SMAP2: variants seen among roughly 807,000 people sequenced by gnomAD.
The protein encoded by SMAP2 is small ArfGAP2.
SMAP2 carries 25 observed loss-of-function variants against 56.4 expected under a neutral mutation model. The ratio of observed to expected loss-of-function variants is 0.44; its 90% CI spans 0.32 to 0.62. The LOEUF is 0.62. SMAP2 is among the 20% of genes least tolerant of loss of function. The pLI is 0.04. For synonymous variants in SMAP2, 157 were observed against 181.7 expected, an observed-to-expected ratio of 0.86 and a Z score of 1.09; for missense variants, 388 against 545.6, an observed-to-expected ratio of 0.71 and a Z score of 2.88.
At chr1:40,346,430 C>T (rs1167358061) in intron 1 of SMAP2, among the ~76,000 whole-genome samples, 1 of 151,832 alleles carries the variant, frequency 6.6e-6, no homozygotes, top group Non-Finnish European at 1.5e-5. Flanking sequence ...AGTGCAGTGG[C>T]ATGATGACAG....
chr1:40,371,521 G>A (rs1443708756), upstream of SMAP2, among the ~76,000 whole-genome samples: 1 of 152,214 alleles, frequency 6.6e-6, no homozygotes, highest in Non-Finnish European at 1.5e-5. Flanking sequence ...GAGAGCTCTT[G>A]TTTATCAGCT....
chr1:40,353,187 C>T (rs1176377013), intron 1 of SMAP2, among the ~76,000 whole-genome samples: 1 of 152,156 alleles, frequency 6.6e-6, no homozygotes, highest in Non-Finnish European at 1.5e-5. Context: ...GTGAGCTTCT[C>T]GGAAAACTTT....
chr1:40,348,126 A>T (rs1644396794), intron 1 of SMAP2, among the ~76,000 whole-genome samples: 1 of 152,052 alleles, frequency 6.6e-6, no homozygotes, highest in African/African-American at 2.4e-5. Context: ...GCGTGACCTC[A>T]TCTCTACAAA....
rs780365379 is a variant in SMAP2, at chr1:40,417,060, C to A, written c.1128C>A (p.Val376=). ...MAAMPQTVYG[V]QPAQQLQWNL... The stretch of plus-strand genomic sequence containing the variant: ...CTATGCCCCAGACTGTGTATGGGGT[C>A]CAGCCAGCTCAGCAGCTGCAATGGA... The change falls in exon 9 of 10, where the codon GTC becomes GTA. Residue 376 remains valine, a synonymous_variant. Transcript: ENST00000372718. 3.1e-6 allele frequency: 5 copies of A among 1,605,724 alleles called. No individual in the cohort carries two copies. The Admixed American group carries it at 8.4e-5, about 27-fold the overall frequency.
At chr1:40,350,980 C>G (rs1644407078) in intron 1 of SMAP2, among the ~76,000 whole-genome samples, 1 of 152,234 alleles carries the variant, frequency 6.6e-6, no homozygotes, top group Non-Finnish European at 1.5e-5. Flanking sequence ...AGTGGAGACT[C>G]TGAAGACTCA....
upstream of SMAP2, among the ~76,000 whole-genome samples, chr1:40,370,856 TAAA>T (rs57519270): frequency 0.033 from 4,410 of 132,470 alleles, 181 homozygotes; most frequent in East Asian, 0.093. Context: ...TAAAGTATAA[TAAA>T]AAAAAAAAAA....
intron 1 of SMAP2, among the ~76,000 whole-genome samples, chr1:40,347,645 G>A (rs990876919): frequency 6.6e-6 from 1 of 152,180 alleles, no homozygotes; most frequent in African/African-American, 2.4e-5. Context: ...TGGGATTACA[G>A]GCATGAGCCA....
chr1:40,413,001 G>C lies in SMAP2; in HGVS notation c.403-15G>C. The C allele has an allele frequency of 3.1e-6, 5 of 1,594,618 alleles. No homozygotes were observed. Among genetic ancestry groups the C allele is most frequent in the Non-Finnish European group, 4.3e-6 (5 of 1,167,886 alleles). On this transcript the variant is annotated splice_polypyrimidine_tract_variant and intron_variant, in intron 4 of 9. Coordinates refer to ENST00000372718, the MANE Select transcript of SMAP2 (RefSeq NM_022733.3). ...CCTTGGGCCCTGTGTTCTTTGTCTT[G>C]TTAAATCATTATAGAAAGAAAAAGA...
rs1644644358 is a variant in SMAP2 at position 40,385,494 on chromosome 1, A to G, written c.103+11271A>G. ...TGAAACAATGAGAACTGGGTTCCTCAGGCCTCATGTCATTTCCCCTCACCC... is the reference window on the plus strand; with the variant it reads ...TGAAACAATGAGAACTGGGTTCCTCGGGCCTCATGTCATTTCCCCTCACCC... On this transcript the variant is annotated intron_variant, in intron 1 of 9. Transcript: ENST00000372718. This position sits in a 1 kb window ranked among gnomAD's most constrained non-coding sequence, Gnocchi z 4.5. 6.6e-6 allele frequency among the ~76,000 whole-genome samples: 1 copy of G among 152,252 alleles called. No homozygotes were observed. The highest frequency in any genetic ancestry group is 2.4e-5 in the African/African-American group (1 of 41,466).
chr1:40,414,023 T>C (rs1644962826), intron 5 of SMAP2, 136 bp from the exon 6 acceptor site: 1 of 715,554 alleles, frequency 1.4e-6, no homozygotes, highest in Non-Finnish European at 2.3e-6. Context: ...TAATACTTCC[T>C]GAGTTTTGTT....
At chr1:40,373,493 A>G (rs904918021), upstream of SMAP2, among the ~76,000 whole-genome samples, 1 of 152,084 alleles carries the variant, frequency 6.6e-6, no homozygotes, top group African/African-American at 2.4e-5. Context: ...ACTTTCTTCC[A>G]TTCCCTCCAC....
In SMAP2 at chr1:40,374,855, C is replaced by T. The variant is rs927594660; in HGVS notation, c.103+632C>T. The T allele has an allele frequency of 1.1e-5, 17 of 1,530,598 alleles. No individual in the cohort carries two copies. Among genetic ancestry groups the T allele is most frequent in the Admixed American group, 1.0e-4 (5 of 50,080 alleles). 94.8% of individuals were successfully genotyped at this position (1,530,598 alleles called of 1,614,324 possible). The stretch of plus-strand genomic sequence containing the variant: ...TTATGCAGTGACACAGTGCGGATTT[C>T]TAGGCAGTGTAGCCCTGGCTTGTAG... On this transcript the variant is annotated intron_variant, in intron 1 of 9. Transcript: ENST00000372718. This position sits in a 1 kb window ranked among gnomAD's most constrained non-coding sequence, Gnocchi z 5.9.
In SMAP2 at chr1:40,374,687, A is replaced by G. The variant is rs1460052915; in HGVS notation, c.103+464A>G. On this transcript the variant is annotated intron_variant, in intron 1 of 9. Transcript: ENST00000372718. The surrounding 1 kb of genome is among the most constrained non-coding windows in gnomAD (Gnocchi z 5.9). Reference sequence around the variant, plus strand: ...GGGAAGTGAGATGGCGGAAAGGAAAACTGCTTAAATGATTTTTAAAGGTGG... The same window carrying G: ...GGGAAGTGAGATGGCGGAAAGGAAAGCTGCTTAAATGATTTTTAAAGGTGG... 1 of 1,549,858 alleles carries G rather than the reference A, an allele frequency of 6.5e-7. No individual in the cohort carries two copies. Among genetic ancestry groups the G allele is most frequent in the Admixed American group, 2.0e-5 (1 of 50,926 alleles).
chr1:40,357,564 C>T (rs1460270967), intron 1 of SMAP2, among the ~76,000 whole-genome samples: 1 of 151,204 alleles, frequency 6.6e-6, no homozygotes, highest in Non-Finnish European at 1.5e-5. Context: ...AGTTTGAAGT[C>T]TTAGATTTAA....
intron 1 of SMAP2, among the ~76,000 whole-genome samples, chr1:40,378,297 G>A (rs1334487661): frequency 6.6e-6 from 1 of 151,810 alleles, no homozygotes; most frequent in Non-Finnish European, 1.5e-5. Context: ...CCATTTTTTC[G>A]AATATTTTCA....
In SMAP2 at chr1:40,385,496, G is replaced by T. The variant is rs987236984; in HGVS notation, c.103+11273G>T. ...AAACAATGAGAACTGGGTTCCTCAG[G>T]CCTCATGTCATTTCCCCTCACCCAC... On this transcript the variant is annotated intron_variant, in intron 1 of 9. Coordinates refer to ENST00000372718, the MANE Select transcript of SMAP2 (RefSeq NM_022733.3). This position sits in a 1 kb window ranked among gnomAD's most constrained non-coding sequence, Gnocchi z 4.5. 2.0e-5 allele frequency among the ~76,000 whole-genome samples: 3 copies of T among 152,166 alleles called. No homozygotes were observed. The highest frequency in any genetic ancestry group is 7.2e-5 in the African/African-American group (3 of 41,430).
chr1:40,382,711 A>C (rs1295313727), intron 1 of SMAP2, among the ~76,000 whole-genome samples: 1 of 152,182 alleles, frequency 6.6e-6, no homozygotes, highest in Non-Finnish European at 1.5e-5. Context: ...ACAGTCCTAT[A>C]TTGGCTAATT....
intron 1 of SMAP2, among the ~76,000 whole-genome samples, chr1:40,377,780 C>A (rs1256004784): frequency 6.6e-6 from 1 of 152,164 alleles, no homozygotes; most frequent in African/African-American, 2.4e-5. Flanking sequence ...TGCTAAGCCA[C>A]CCCGTCAGAG....
chr1:40,374,896 T>G lies in SMAP2; in HGVS notation c.103+673T>G. ...TGGCTTGTAGAGTGCGTTGGAGGCCTATGTATGAGTGGTGGCAGAAACTAG... is the reference window on the plus strand; with the variant it reads ...TGGCTTGTAGAGTGCGTTGGAGGCCGATGTATGAGTGGTGGCAGAAACTAG... On this transcript the variant is annotated intron_variant, in intron 1 of 9. Coordinates refer to ENST00000372718, the MANE Select transcript of SMAP2 (RefSeq NM_022733.3). The surrounding 1 kb of genome is among the most constrained non-coding windows in gnomAD (Gnocchi z 5.9). 1 of 985,358 alleles carries G rather than the reference T, an allele frequency of 1.0e-6. No individual in the cohort carries two copies. The highest frequency in any genetic ancestry group is 1.2e-6 in the Non-Finnish European group (1 of 829,926). The allele number at this position is 985,358 out of a possible 1,614,324, so 61.0% of individuals were successfully genotyped here. A position where few individuals can be genotyped will look rare whatever the true frequency, so the allele number is the denominator to read the frequency against.
Sources: allele counts gnomAD v4.1 joint callset (sites outside exome capture counted in the v4.1 genomes callset), GRCh38; gene constraint gnomAD v4.1.1; non-coding constraint Gnocchi (gnomAD v3.1); transcripts MANE v1.5; gene names NCBI Gene and HGNC (gene_info 2026-07-23, HGNC 2026-07-21).